RRN3: variants seen among roughly 807,000 people sequenced by gnomAD.
The protein encoded by RRN3 is RNA polymerase I-specific transcription initiation factor RRN3.
RRN3 carries 38 observed loss-of-function variants against 82.3 expected under a neutral mutation model. That is an observed-to-expected ratio of 0.46 (90% CI 0.36 to 0.61). The LOEUF is 0.61. Ranked by LOEUF, RRN3 falls within the 20% of genes least tolerant of loss-of-function variation. The probability of loss-of-function intolerance (pLI) is 0.00; values close to 1 mark genes in which losing one functional copy is unlikely to be tolerated. For missense variants in RRN3, 726 were observed against 793.1 expected (o/e 0.92, Z 1.02); for synonymous variants, 284 against 284.3 (o/e 1.00, Z 0.01).
intron 16 of RRN3, among the ~76,000 whole-genome samples, chr16:15,064,808 A>G (rs564701373): frequency 2.0e-4 from 31 of 152,330 alleles, no homozygotes; most frequent in Middle Eastern, 3.4e-3. Flanking sequence ...ACAGCGAGGA[A>G]GGGCCACTTC....
chr16:15,074,935 A>C, intron 10 of RRN3, 74 bp from the exon 11 acceptor site: 2 of 1,399,308 alleles, frequency 1.4e-6, no homozygotes, highest in Non-Finnish European at 1.9e-6. Flanking sequence ...AACTGTCATA[A>C]GTGATTATTT....
chr16:15,082,545 T>C (rs1397636917), intron 8 of RRN3, among the ~76,000 whole-genome samples: 1 of 151,920 alleles, frequency 6.6e-6, no homozygotes, highest in Non-Finnish European at 1.5e-5. Context: ...TGGTGCCCCA[T>C]GTCTATAGTC....
Position 15,086,118 on chromosome 16 carries a change from C to G in RRN3, c.472+11G>C. Reference sequence around the variant, plus strand: ...ATTAAAAAGAAAATAAAATTCCAAGCAATGACTTACGAGGCACAAAATGGG... The same window carrying G: ...ATTAAAAAGAAAATAAAATTCCAAGGAATGACTTACGAGGCACAAAATGGG... On this transcript the variant is annotated intron_variant, in intron 5 of 17. Transcript: ENST00000198767. The G allele has an allele frequency of 1.2e-6, 2 of 1,606,210 alleles. No homozygotes were observed. Among genetic ancestry groups the G allele is most frequent in the Non-Finnish European group, 1.7e-6 (2 of 1,176,536 alleles).
intron 3 of RRN3, 95 bp downstream of exon 3, chr16:15,091,220 G>T: frequency 6.7e-7 from 1 of 1,490,692 alleles, no homozygotes. Context: ...CATGGAGAGA[G>T]CAAGTTCTGG....
intron 12 of RRN3, among the ~76,000 whole-genome samples, chr16:15,072,360 G>A (rs978921929): frequency 4.6e-5 from 7 of 152,100 alleles, no homozygotes; most frequent in Admixed American, 3.9e-4. Context: ...AAGAATAAAG[G>A]AAATACAGTT....
chr16:15,083,274 C>T (rs916042618), intron 8 of RRN3, among the ~76,000 whole-genome samples: 1 of 152,174 alleles, frequency 6.6e-6, no homozygotes, highest in African/African-American at 2.4e-5. Context: ...TGGTAGGCGC[C>T]TGCAGTCCCA....
intron 13 of RRN3, 136 bp from the exon 14 acceptor site, chr16:15,070,390 A>G: frequency 6.3e-6 from 4 of 637,412 alleles, no homozygotes; most frequent in Non-Finnish European, 1.1e-5. Context: ...CCATGGGTAC[A>G]GAGGAAAAGC....
At chr16:15,092,210 T>C (rs1170896204) in intron 2 of RRN3, among the ~76,000 whole-genome samples, 2 of 152,116 alleles carry the variant, frequency 1.3e-5, no homozygotes, top group Non-Finnish European at 2.9e-5. Context: ...GGTGTAATTG[T>C]TTTTAATTCT....
intron 9 of RRN3, among the ~76,000 whole-genome samples, chr16:15,079,017 A>G (rs1417204577): frequency 6.6e-6 from 1 of 151,976 alleles, no homozygotes. Flanking sequence ...TCACCATGTT[A>G]GCCAGGATGG....
At chr16:15,081,967 C>T (rs1443896590) in intron 8 of RRN3, among the ~76,000 whole-genome samples, 2 of 152,186 alleles carry the variant, frequency 1.3e-5, no homozygotes, top group Non-Finnish European at 2.9e-5. Flanking sequence ...AGTCTTCTGT[C>T]CCGTAACCAT....
intron 11 of RRN3, 55 bp from the exon 12 acceptor site, chr16:15,073,135 T>C (rs2045306456): frequency 1.3e-5 from 20 of 1,573,490 alleles, no homozygotes; most frequent in Admixed American, 1.9e-5. Flanking sequence ...TCAAGTTTCA[T>C]CTGCCATATT....
intron 14 of RRN3, 117 bp downstream of exon 14, chr16:15,069,953 C>T (rs4012859): frequency 6.9e-7 from 1 of 1,456,130 alleles, no homozygotes; most frequent in East Asian, 2.3e-5. Flanking sequence ...AGTTTGAGTG[C>T]ACATGCAGTT....
chr16:15,077,877 C>T lies in RRN3; in HGVS notation c.766-1227G>A, dbSNP rs367915589. ...AAAAACATCTCTTTTTCTTCCCAGGCTCAGCTATGTCTTTATCAGCAGTGT... is the reference window on the plus strand; with the variant it reads ...AAAAACATCTCTTTTTCTTCCCAGGTTCAGCTATGTCTTTATCAGCAGTGT... On this transcript the variant is annotated intron_variant, in intron 9 of 17. Coordinates refer to ENST00000198767, the MANE Select transcript of RRN3 (RefSeq NM_018427.5). Among the ~76,000 whole-genome samples the T allele has an allele frequency of 2.2e-4, 33 of 152,198 alleles. No homozygotes were observed. The East Asian group carries it at 5.6e-3, about 26-fold the overall frequency.
At chr16:15,084,518 G>A (rs2151810969) in intron 7 of RRN3, 124 bp downstream of exon 7, 1 of 649,370 alleles carries the variant, frequency 1.5e-6, no homozygotes, top group East Asian at 3.1e-5. Context: ...TTCCTCAAGT[G>A]GATACAAAAA....
At chr16:15,085,547 G>C (rs1160252122) in intron 6 of RRN3, 92 bp downstream of exon 6, 3 of 1,557,260 alleles carry the variant, frequency 1.9e-6, no homozygotes, top group Non-Finnish European at 1.7e-6. Context: ...CAAACTCTTG[G>C]CCTCAAGTGA....
intron 15 of RRN3, among the ~76,000 whole-genome samples, chr16:15,067,933 A>T (rs2045046843): frequency 6.6e-6 from 1 of 151,520 alleles, no homozygotes; most frequent in Admixed American, 6.6e-5. Context: ...AATTTTTAAA[A>T]TTTTTTTGTA....
At chr16:15,066,590 G>A (rs1342651751) in intron 15 of RRN3, among the ~76,000 whole-genome samples, 1 of 151,058 alleles carries the variant, frequency 6.6e-6, no homozygotes, top group African/African-American at 2.4e-5. Context: ...CTAAGATCAC[G>A]CCACTGTACT....
chr16:15,064,585 C>G (rs1481519755), intron 16 of RRN3, among the ~76,000 whole-genome samples: 1 of 152,212 alleles, frequency 6.6e-6, no homozygotes, highest in Non-Finnish European at 1.5e-5. Context: ...GCACCCTCCC[C>G]TATCCTGGCA....
chr16:15,070,004 A>C (rs1244178773), intron 14 of RRN3, 66 bp downstream of exon 14: 2 of 1,100,942 alleles, frequency 1.8e-6, no homozygotes, highest in Middle Eastern at 3.1e-4. Flanking sequence ...AAAAGTAATG[A>C]ATCACCATTC....
Sources: allele counts gnomAD v4.1 joint callset (sites outside exome capture counted in the v4.1 genomes callset), GRCh38; gene constraint gnomAD v4.1.1; transcripts MANE v1.5; gene names NCBI Gene and HGNC (gene_info 2026-07-23, HGNC 2026-07-21).